The following RNF213 variants were observed in gnomAD, a reference collection of about 807,000 sequenced individuals.
RNF213 encodes ring finger protein 213, also known as E3 ubiquitin-protein ligase RNF213.
A neutral mutation model predicts 514.4 loss-of-function variants in RNF213; 341 were observed. The ratio of observed to expected loss-of-function variants is 0.66; its 90% confidence interval spans 0.61 to 0.73. RNF213 has a LOEUF of 0.73. RNF213 is among the 30% of genes least tolerant of loss of function. RNF213 has a pLI of 0.00. For synonymous variants in RNF213, 2,655 were observed against 2,658.2 expected (o/e 1.00, Z 0.04); for missense variants, 5,767 against 6,615.6 (o/e 0.87, Z 4.45).
intron 3 of RNF213, among the ~76,000 whole-genome samples, chr17:80,285,579 G>C (rs1255595295): frequency 6.6e-6 from 1 of 152,082 alleles, no homozygotes; most frequent in Non-Finnish European, 1.5e-5. Flanking sequence ...CAGCTGACCA[G>C]CCTGTCATTC....
chr17:80,322,329 T>TA (rs924915742), intron 17 of RNF213, among the ~76,000 whole-genome samples: 45 of 149,686 alleles, frequency 3.0e-4, no homozygotes, highest in Middle Eastern at 3.5e-3. Flanking sequence ...TTCAGCTAAT[T>TA]AAAAAAAAAA....
In RNF213 at chr17:80,371,124, C is replaced by CA. The variant is rs35802586; in HGVS notation, c.12426-744dup. On this transcript the variant is annotated intron_variant, in intron 46 of 67. Transcript: ENST00000582970. ...CCTGATGTCATGAAATCATGTGGGT[C>CA]AAAAAAGAAAAAAATCTATTTAAAG... Among the ~76,000 whole-genome samples the CA allele has an allele frequency of 5.9e-5, 9 of 151,348 alleles. No homozygotes were observed. The East Asian group carries it at 1.7e-3, about 29-fold the overall frequency.
Position 80,371,851 on chromosome 17 carries a change from G to T in RNF213, c.12426-23G>T, listed in dbSNP as rs796208400. ...ATGTCTCCAGATCTGAGAGAACCAG[G>T]AATAATATTTCTCTTTCTGCAGCTT... On this transcript the variant is annotated intron_variant, in intron 46 of 67. Transcript: ENST00000582970. 9 of 1,193,658 alleles carry T rather than the reference G, an allele frequency of 7.5e-6. No individual in the cohort carries two copies. The African/African-American group carries it at 1.2e-4, about 16-fold the overall frequency. 73.9% of individuals were successfully genotyped at this position (1,193,658 alleles called of 1,614,324 possible). A position where few individuals can be genotyped will look rare whatever the true frequency, so the allele number is the denominator to read the frequency against.
chr17:80,300,268 G>GTT (rs1224933054), intron 11 of RNF213, among the ~76,000 whole-genome samples: 4 of 145,308 alleles, frequency 2.8e-5, no homozygotes, highest in Non-Finnish European at 6.1e-5. Context: ...GTATCTCACT[G>GTT]TTTTTTTTTT....
chr17:80,386,923 T>C (rs1291827433), intron 63 of RNF213, 32 bp downstream of exon 63: 1 of 1,582,914 alleles, frequency 6.3e-7, no homozygotes, highest in Non-Finnish European at 8.6e-7. Context: ...GCTGCTCATT[T>C]GGTGTGTCTG....
chr17:80,271,272 A>G lies in RNF213; in HGVS notation c.98-1969A>G, dbSNP rs151206421. On this transcript the variant is annotated intron_variant, in intron 2 of 67. Coordinates refer to ENST00000582970, the MANE Select transcript of RNF213 (RefSeq NM_001256071.3). ...TTTCATGTGTGTCTTATGTATGTAGACGTTTAGAGGATTTGTTATCAATTT... is the reference window on the plus strand; with the variant it reads ...TTTCATGTGTGTCTTATGTATGTAGGCGTTTAGAGGATTTGTTATCAATTT... 5.9e-3 allele frequency among the ~76,000 whole-genome samples: 900 copies of G among 152,208 alleles called. 11 individuals carry two copies. Among genetic ancestry groups the G allele is most frequent in the South Asian group, 0.022 (104 of 4,824 alleles).
intron 50 of RNF213, chr17:80,374,866 T>C: frequency 4.4e-6 from 2 of 452,866 alleles, no homozygotes; most frequent in Non-Finnish European, 8.2e-6. Context: ...CCTTTTGATT[T>C]ATGCCCATTA....
intron 17 of RNF213, 118 bp from the exon 18 acceptor site, chr17:80,324,911 TA>T (rs746034668): frequency 4.8e-6 from 5 of 1,047,898 alleles, no homozygotes; most frequent in Non-Finnish European, 6.9e-6. Flanking sequence ...TTTGTGGCCT[TA>T]TAAAACAAGT....
chr17:80,374,337 A>G, intron 49 of RNF213, 121 bp from the exon 50 acceptor site: 1 of 1,315,434 alleles, frequency 7.6e-7, no homozygotes, highest in Admixed American at 1.7e-5. Context: ...AGGTCAGGGA[A>G]TCCCAGCTTG....
At chr17:80,298,553 T>C (rs751249463) in intron 11 of RNF213, 35 bp downstream of exon 11, 26 of 1,612,142 alleles carry the variant, frequency 1.6e-5, no homozygotes, top group Non-Finnish European at 1.7e-5. Flanking sequence ...TACATGAATC[T>C]GGGAAGACTG....
chr17:80,330,314 C>G (rs1382177491), intron 20 of RNF213, among the ~76,000 whole-genome samples: 6 of 152,182 alleles, frequency 3.9e-5, no homozygotes, highest in Non-Finnish European at 2.9e-5. Context: ...TCTGGACATT[C>G]TTGTTTGTCT....
intron 56 of RNF213, 109 bp downstream of exon 56, chr17:80,381,096 A>G: frequency 8.9e-7 from 1 of 1,120,708 alleles, no homozygotes; most frequent in Admixed American, 1.7e-5. Flanking sequence ...CGTTTTGGAG[A>G]TAATTAGTCT....
chr17:80,326,801 C>T (rs1253366261), intron 18 of RNF213, among the ~76,000 whole-genome samples: 1 of 152,218 alleles, frequency 6.6e-6, no homozygotes, highest in Admixed American at 6.5e-5. Context: ...ACCCGTTCAC[C>T]TCATGAAAGA....
At position 80,294,973 on chromosome 17, in the gene RNF213, G is replaced by A. The variant is rs771696784; in HGVS notation, c.1725G>A (p.Leu575=). ...QPMIYEGQAQ[L]WTDLQYREKE... ...TGATTTATGAAGGACAGGCACAGCTGTGGACCGATTTGCAGTACAGGGAGA... is the reference window on the plus strand; with the variant it reads ...TGATTTATGAAGGACAGGCACAGCTATGGACCGATTTGCAGTACAGGGAGA... Residue 575 remains leucine, a synonymous_variant, in exon 9 of 68, where the codon CTG becomes CTA. Coordinates refer to ENST00000582970, the MANE Select transcript of RNF213 (RefSeq NM_001256071.3). 2 of 1,614,220 alleles carry A rather than the reference G, an allele frequency of 1.2e-6. No homozygotes were observed. The highest frequency in any genetic ancestry group is 2.7e-5 in the African/African-American group (2 of 75,056).
chr17:80,313,865 G>C (rs1202399118), intron 15 of RNF213, among the ~76,000 whole-genome samples: 2 of 120,944 alleles, frequency 1.7e-5, no homozygotes, highest in Non-Finnish European at 1.7e-5. Flanking sequence ...TGATGGTGGT[G>C]GTGAAGGTGA....
chr17:80,359,493 G>A (rs895539602), intron 37 of RNF213, among the ~76,000 whole-genome samples: 9 of 47,730 alleles, frequency 1.9e-4, no homozygotes, highest in Non-Finnish European at 3.0e-4. Context: ...CTGCACTCTA[G>A]CCTGGGTGGT....
chr17:80,275,069 GGT>G (rs111640038), intron 3 of RNF213, among the ~76,000 whole-genome samples: 2 of 137,190 alleles, frequency 1.5e-5, no homozygotes, highest in African/African-American at 2.7e-5. Context: ...GTGAGTTGGG[GGT>G]GTGTGAGTGG....
chr17:80,363,411 A>G, intron 40 of RNF213, 97 bp downstream of exon 40: 4 of 1,341,776 alleles, frequency 3.0e-6, no homozygotes, highest in Non-Finnish European at 4.2e-6. Flanking sequence ...CAAGTGGGAG[A>G]TTTCTTCACA....
rs544869292 is a variant in RNF213 at position 80,337,868 on chromosome 17, T to A, written c.4704T>A (p.Pro1568=). ...SPDTVLHLIL[P]ESPGSHEESR... is the part of the protein sequence containing the mutation. ...ACACGGTTCTGCACTTGATCCTTCC[T>A]GAGAGCCCTGGCAGCCACGAGGAGT... Residue 1568 remains proline (P), a synonymous_variant, in exon 25 of 68, where the codon CCT becomes CCA. Transcript: ENST00000582970. 1 of 1,537,268 alleles carries A rather than the reference T, an allele frequency of 6.5e-7. No individual in the cohort carries two copies. Among genetic ancestry groups the A allele is most frequent in the South Asian group, 1.2e-5 (1 of 84,066 alleles).
Sources: gnomAD v4.1 joint callset for allele counts (sites outside exome capture counted in the v4.1 genomes callset) on GRCh38, gnomAD v4.1.1 for gene constraint, MANE v1.5 for transcripts, NCBI Gene and HGNC (gene_info 2026-07-23, HGNC 2026-07-21) for gene names.